MEGF8: variants seen among roughly 807,000 people sequenced by gnomAD.
MEGF8 encodes multiple EGF like domains 8.
A neutral mutation model predicts 302.9 loss-of-function variants in MEGF8; 156 were observed. That is an observed-to-expected ratio of 0.52 (90% CI 0.45 to 0.59). The LOEUF is 0.59. MEGF8 is among the 20% of genes least tolerant of loss of function. The pLI is 0.00. For synonymous variants in MEGF8, 1,621 were observed against 1,660.5 expected, an observed-to-expected ratio of 0.98 and a Z score of 0.58; for missense variants, 3,345 against 3,964.5, an observed-to-expected ratio of 0.84 and a Z score of 4.20.
rs867549131 is a variant in MEGF8 at position 42,358,839 on chromosome 19, C to T, written c.5228C>T (p.Pro1743Leu). The T allele has an allele frequency of 6.2e-7, 1 of 1,602,664 alleles. No individual in the cohort carries two copies. Among genetic ancestry groups the T allele is most frequent in the Middle Eastern group, 1.7e-4 (1 of 5,986 alleles). Residue 1743 changes from proline to leucine, a missense_variant, in exon 30 of 42, where the codon CCT becomes CTT. Pro to Leu is a moderately conservative substitution (Grantham distance 98, BLOSUM62 -3). Coordinates refer to ENST00000251268, the MANE Select transcript of MEGF8 (RefSeq NM_001271938.2). The surrounding 1 kb of genome is among the most constrained non-coding windows in gnomAD (Gnocchi z 4.4). ...RGSSRGLGQV[P>L]GEQPGSWGFR... The stretch of plus-strand genomic sequence containing the variant: ...TCATCTCGGGGTCTGGGCCAAGTTC[C>T]TGGGGAGCAGCCTGGGTCATGGGGG...
At chr19:42,331,299 A>C (rs904090367) in intron 1 of MEGF8, among the ~76,000 whole-genome samples, 1 of 152,172 alleles carries the variant, frequency 6.6e-6, no homozygotes, top group Non-Finnish European at 1.5e-5. Context: ...GAGTGTCTCC[A>C]GGATCCAGAT....
rs759973744 is a variant in MEGF8, at chr19:42,376,196, C to T, written c.7959C>T (p.Ser2653=). 42 of 1,606,582 alleles carry T rather than the reference C, an allele frequency of 2.6e-5. No individual in the cohort carries two copies. The highest frequency in any genetic ancestry group is 8.8e-5 in the South Asian group (8 of 90,488). ...QAHIDLFVFF[S]VFFSCFFLFL... ...ACATTGACCTGTTTGTCTTCTTCTC[C>T]GTCTTCTTCTCCTGCTTCTTCCTCT... Residue 2653 remains serine, a synonymous_variant, in exon 42 of 42, where the codon TCC becomes TCT. Transcript: ENST00000251268. The surrounding 1 kb of genome is among the most constrained non-coding windows in gnomAD (Gnocchi z 8.2).
At chr19:42,367,290 CTT>C (rs535905629) in intron 35 of MEGF8, among the ~76,000 whole-genome samples, 21 of 140,092 alleles carry the variant, frequency 1.5e-4, no homozygotes, top group Admixed American at 2.1e-4. Flanking sequence ...TTCTTTCTTT[CTT>C]TTTTTTTTTT....
At chr19:42,349,324 C>T (rs1173341796) in intron 13 of MEGF8, among the ~76,000 whole-genome samples, 175 bp from the exon 14 acceptor site, 1 of 150,156 alleles carries the variant, frequency 6.7e-6, no homozygotes, top group Admixed American at 6.6e-5. Flanking sequence ...AAAAAAAGCC[C>T]CTGAGGAGGA....
rs771888892 is a variant in MEGF8 at position 42,356,971 on chromosome 19, G to A, written c.4820G>A (p.Arg1607Gln). The A allele has an allele frequency of 4.1e-5, 66 of 1,598,298 alleles. No homozygotes were observed. Among genetic ancestry groups the A allele is most frequent in the African/African-American group, 1.2e-4 (9 of 74,624 alleles). ...CTCAACCTCACCACCCTGCAATGGCGGCAGGAGAAGGTGAGCATCTCTCCC... is the reference window on the plus strand; with the variant it reads ...CTCAACCTCACCACCCTGCAATGGCAGCAGGAGAAGGTGAGCATCTCTCCC... ...WVLNLTTLQW[R>Q]QEKAPQTVEL... The change falls in exon 27 of 42, where the codon CGG (arginine) becomes CAG (glutamine). Residue 1607 changes from arginine to glutamine, a missense_variant. Transcript: ENST00000251268. This position sits in a 1 kb window ranked among gnomAD's most constrained non-coding sequence, Gnocchi z 5.2.
At position 42,352,260 on chromosome 19, in the gene MEGF8, T is replaced by C. The variant is rs202039332; in HGVS notation, c.3154T>C (p.Trp1052Arg). Residue 1052 changes from tryptophan to arginine, a missense_variant, in exon 19 of 42, where the codon TGG becomes CGG. Coordinates refer to ENST00000251268, the MANE Select transcript of MEGF8 (RefSeq NM_001271938.2). This position sits in a 1 kb window ranked among gnomAD's most constrained non-coding sequence, Gnocchi z 4.4. The part of the protein sequence containing the change: ...GPLGGGNCSL[W>R]VGEGLGLPVA... ...CCTCGGTGGGGGTAACTGCTCCCTGTGGGTGGGGGAGGGCCTGGGGCTTCC... is the reference window on the plus strand; with the variant it reads ...CCTCGGTGGGGGTAACTGCTCCCTGCGGGTGGGGGAGGGCCTGGGGCTTCC... The C allele has an allele frequency of 9.3e-5, 146 of 1,562,260 alleles. 1 individual carries two copies. In the African/African-American group the frequency reaches 1.9e-3, roughly 20 times the overall value.
chr19:42,350,798 CAG>C (rs778505889), intron 15 of MEGF8, among the ~76,000 whole-genome samples: 51 of 152,148 alleles, frequency 3.4e-4, no homozygotes, highest in Non-Finnish European at 6.8e-4. Flanking sequence ...CTGTCTCAAA[CAG>C]AGTGAGGCTT....
In MEGF8 at chr19:42,353,475, G is replaced by A; in HGVS notation, c.3561G>A (p.Trp1187Ter). 6.2e-7 allele frequency: 1 copy of A among 1,610,568 alleles called. No individual in the cohort carries two copies. The highest frequency in any genetic ancestry group is 8.5e-7 in the Non-Finnish European group (1 of 1,179,408). Residue 1187 changes from tryptophan (W) to a stop codon, truncating the protein, a stop_gained, in exon 21 of 42, where the codon TGG (tryptophan) becomes TGA (stop). Transcript: ENST00000251268. LOFTEE classifies it high-confidence loss of function. The surrounding 1 kb of genome is among the most constrained non-coding windows in gnomAD (Gnocchi z 6.1). ...GFCDECQDWT[W>*]GEHCERCRPG... ...CTGGGGCCTCCACAGACTGGACATG[G>A]GGGGAGCACTGCGAACGATGCCGGC...
In MEGF8 at chr19:42,376,667, G is replaced by T; in HGVS notation, c.8430G>T (p.Leu2810=). The T allele has an allele frequency of 6.5e-7, 1 of 1,531,958 alleles. No individual in the cohort carries two copies. Among genetic ancestry groups the T allele is most frequent in the South Asian group, 1.2e-5 (1 of 82,316 alleles). The allele number at this position is 1,531,958 out of a possible 1,614,324, so 94.9% of individuals were successfully genotyped here. A position where few individuals can be genotyped will look rare whatever the true frequency, so the allele number is the denominator to read the frequency against. Reference sequence around the variant, plus strand: ...CCCTCGTCACACTGCGGCACAGGCTGCACGAGTACTGTGGGGGTGGTGGGG... The same window carrying T: ...CCCTCGTCACACTGCGGCACAGGCTTCACGAGTACTGTGGGGGTGGTGGGG... ...GSALVTLRHR[L]HEYCGGGGGA... Residue 2810 remains leucine, a synonymous_variant, in exon 42 of 42, where the codon CTG becomes CTT. Transcript: ENST00000251268. This position sits in a 1 kb window ranked among gnomAD's most constrained non-coding sequence, Gnocchi z 8.2.
At chr19:42,338,702 G>T (rs527715640) in intron 8 of MEGF8, among the ~76,000 whole-genome samples, 1 of 151,726 alleles carries the variant, frequency 6.6e-6, no homozygotes, top group Admixed American at 6.6e-5. Context: ...GTCTGCTGAG[G>T]ATAAGGGCCT....
In MEGF8 at chr19:42,369,826, G is replaced by A. The variant is rs992411334; in HGVS notation, c.6834+103G>A. The A allele has an allele frequency of 3.1e-6, 4 of 1,284,244 alleles. No homozygotes were observed. In the African/African-American group the frequency reaches 5.9e-5, roughly 19 times the overall value. The allele number at this position is 1,284,244 out of a possible 1,614,324, so 79.6% of individuals were successfully genotyped here. A position where few individuals can be genotyped will look rare whatever the true frequency, so the allele number is the denominator to read the frequency against. ...CGCATCTCATCCTGAGCCCTGATAA[G>A]CCAGGGACAGATAAGCCAGAGCCCT... On this transcript the variant is annotated intron_variant, in intron 38 of 41. Transcript: ENST00000251268. The surrounding 1 kb of genome is among the most constrained non-coding windows in gnomAD (Gnocchi z 5.7).
In MEGF8 at chr19:42,357,013, C is replaced by T; in HGVS notation, c.4830+32C>T. 3 of 1,536,116 alleles carry T rather than the reference C, an allele frequency of 2.0e-6. No individual in the cohort carries two copies. The highest frequency in any genetic ancestry group is 2.6e-6 in the Non-Finnish European group (3 of 1,137,472). ...ATCTCTCCCCAGCCCACTCCCCAGC[C>T]CTCACACTGGGCCCTGACAGAGACA... On this transcript the variant is annotated intron_variant, in intron 27 of 41. Coordinates refer to ENST00000251268, the MANE Select transcript of MEGF8 (RefSeq NM_001271938.2). The surrounding 1 kb of genome is among the most constrained non-coding windows in gnomAD (Gnocchi z 5.2).
Position 42,344,952 on chromosome 19 carries a change from T to G in MEGF8, c.2097+119T>G. On this transcript the variant is annotated intron_variant, in intron 12 of 41. Coordinates refer to ENST00000251268, the MANE Select transcript of MEGF8 (RefSeq NM_001271938.2). The surrounding 1 kb of genome is among the most constrained non-coding windows in gnomAD (Gnocchi z 4.5). ...CTCCAAAACTCTTTACATTCAAGGG[T>G]CTTATTTTCCTTATGGACTTTATTT... The G allele has an allele frequency of 8.9e-7, 1 of 1,126,306 alleles. No individual in the cohort carries two copies. The highest frequency in any genetic ancestry group is 1.2e-6 in the Non-Finnish European group (1 of 838,952). The allele number at this position is 1,126,306 out of a possible 1,614,324, so 69.8% of individuals were successfully genotyped here.
rs1336895027 is a variant in MEGF8 at position 42,353,021 on chromosome 19, C to T, written c.3444C>T (p.Pro1148=). The T allele has an allele frequency of 6.4e-7, 1 of 1,560,722 alleles. No homozygotes were observed. Among genetic ancestry groups the T allele is most frequent in the Admixed American group, 1.9e-5 (1 of 52,196 alleles). Residue 1148 remains proline (P), a synonymous_variant, in exon 20 of 42, where the codon CCC becomes CCT. Coordinates refer to ENST00000251268, the MANE Select transcript of MEGF8 (RefSeq NM_001271938.2). The surrounding 1 kb of genome is among the most constrained non-coding windows in gnomAD (Gnocchi z 6.1). ...DLGWTSDLPP[P]TPAPGPPAPR... The stretch of plus-strand genomic sequence containing the variant: ...GCTGGACATCAGACCTGCCCCCTCC[C>T]ACACCCGCCCCGGGTCCGCCAGCCC...
chr19:42,346,984 C>CAAAAAAAAAAAAAAAA (rs767117534), intron 12 of MEGF8, among the ~76,000 whole-genome samples: 1 of 49,818 alleles, frequency 2.0e-5, no homozygotes, highest in Non-Finnish European at 4.2e-5. Flanking sequence ...GACTCTGTCT[C>CAAAAAAAAAAAAAAAA]AAAAAAAAAA....
chr19:42,356,300 C>G lies in MEGF8; in HGVS notation c.4504-35C>G. 1 of 1,593,056 alleles carries G rather than the reference C, an allele frequency of 6.3e-7. No homozygotes were observed. Among genetic ancestry groups the G allele is most frequent in the Non-Finnish European group, 8.5e-7 (1 of 1,170,474 alleles). On this transcript the variant is annotated intron_variant, in intron 25 of 41. Transcript: ENST00000251268. The surrounding 1 kb of genome is among the most constrained non-coding windows in gnomAD (Gnocchi z 5.2). ...CCAGGCCTGGCACTTTGTCCTGACC[C>G]TAGCCTGATCCCCAATGTCCGCACC...
intron 8 of MEGF8, among the ~76,000 whole-genome samples, chr19:42,341,450 A>C (rs1051248752): frequency 2.7e-4 from 40 of 147,976 alleles, no homozygotes; most frequent in East Asian, 4.0e-4. Context: ...AAAAAAAAAA[A>C]CACACATAAA....
chr19:42,327,724 C>A (rs1486503051), intron 1 of MEGF8, among the ~76,000 whole-genome samples: 2 of 152,182 alleles, frequency 1.3e-5, no homozygotes, highest in African/African-American at 4.8e-5. Context: ...AAGGGCATTC[C>A]AGGCAAGAAT....
At chr19:42,346,758 G>A (rs2039294409) in intron 12 of MEGF8, among the ~76,000 whole-genome samples, 1 of 152,108 alleles carries the variant, frequency 6.6e-6, no homozygotes, top group African/African-American at 2.4e-5. Context: ...GCCAAGGCAG[G>A]CGGATTACAA....
Sources: gnomAD v4.1 joint callset for allele counts (sites outside exome capture counted in the v4.1 genomes callset) on GRCh38, gnomAD v4.1.1 for gene constraint, Gnocchi (gnomAD v3.1) non-coding constraint, MANE v1.5 for transcripts, NCBI Gene and HGNC (gene_info 2026-07-23, HGNC 2026-07-21) for gene names.